Variants in BDP1 observed in about 807,000 individuals in gnomAD.
BDP1 encodes transcription factor TFIIIB component B'' homolog.
A neutral mutation model predicts 266.6 loss-of-function variants in BDP1; 169 were observed. The observed-to-expected ratio is 0.63, with a 90% CI of 0.56 to 0.72. The LOEUF is 0.72. BDP1 is among the 30% of genes least tolerant of loss of function. BDP1 has a pLI of 0.00. For synonymous variants in BDP1, 1,090 were observed against 1,022.4 expected (o/e 1.07, Z -1.26); for missense variants, 3,015 against 3,053.8 (o/e 0.99, Z 0.30).
intron 34 of BDP1, among the ~76,000 whole-genome samples, chr5:71,551,091 T>C (rs916446387): frequency 8.9e-6 from 1 of 112,408 alleles, no homozygotes; most frequent in African/African-American, 3.1e-5. Context: ...TTATTATTTT[T>C]TAGTTGTTTA....
At chr5:71,513,063 C>CAAAAAAAA (rs34252624) in intron 18 of BDP1, 122 bp from the exon 19 acceptor site, 3 of 416,754 alleles carry the variant, frequency 7.2e-6, no homozygotes, top group Non-Finnish European at 1.2e-5. Context: ...ACCCTGTCTC[C>CAAAAAAAA]AAAAAAAAAA....
Position 71,458,778 on chromosome 5 carries a change from C to T in BDP1, c.412C>T (p.Pro138Ser). Reference sequence around the variant, plus strand: ...TGCCACTTCAACAAAAGAGAAACAGCCATGCTCAGACAGATACCGAATATA... The same window carrying T: ...TGCCACTTCAACAAAAGAGAAACAGTCATGCTCAGACAGATACCGAATATA... ...PTATSTKEKQ[P>S]CSDRYRIYKA... Residue 138 changes from proline (P) to serine (S), a missense_variant, in exon 2 of 39, where the codon CCA becomes TCA. Transcript: ENST00000358731. 6.2e-7 allele frequency: 1 copy of T among 1,613,850 alleles called. No individual in the cohort carries two copies. Among genetic ancestry groups the T allele is most frequent in the South Asian group, 1.1e-5 (1 of 91,072 alleles).
chr5:71,469,929 C>T (rs2150363765), intron 6 of BDP1, among the ~76,000 whole-genome samples: 1 of 151,750 alleles, frequency 6.6e-6, no homozygotes, highest in South Asian at 2.1e-4. Context: ...GCAACCTCCG[C>T]TTCCCGGGTT....
chr5:71,460,870 C>T (rs1156814416), intron 2 of BDP1, among the ~76,000 whole-genome samples: 1 of 120,938 alleles, frequency 8.3e-6, no homozygotes, highest in African/African-American at 2.8e-5. Context: ...CAAGTCACTA[C>T]AGGGTAAAAA....
intron 13 of BDP1, among the ~76,000 whole-genome samples, chr5:71,500,870 C>T (rs1054719969): frequency 1.2e-4 from 18 of 151,638 alleles, no homozygotes; most frequent in Non-Finnish European, 1.8e-4. Flanking sequence ...GAGGCTGAGG[C>T]GGGCTAATCA....
chr5:71,540,903 A>G (rs1410976450), intron 28 of BDP1, among the ~76,000 whole-genome samples: 2 of 152,088 alleles, frequency 1.3e-5, no homozygotes, highest in African/African-American at 4.8e-5. Flanking sequence ...GCACCACTGC[A>G]CTCCAGCCTG....
intron 4 of BDP1, 111 bp from the exon 5 acceptor site, chr5:71,465,985 A>G (rs1761883472): frequency 8.7e-7 from 1 of 1,145,766 alleles, no homozygotes; most frequent in Admixed American, 2.5e-5. Flanking sequence ...GATTATAGGG[A>G]AAGTTGGAAA....
rs1765281502 is a variant in BDP1, at chr5:71,517,453, G to GT, written c.4991+2dup. ...TTAACAAAACAAATGAAACAATCAG[G>GT]TGAGTTTGCTTTTAATGAGAAAAAA... On this transcript the variant is annotated splice_donor_variant, in intron 22 of 38. Transcript: ENST00000358731. LOFTEE classifies it high-confidence loss of function. 1 of 1,560,602 alleles carries GT rather than the reference G, an allele frequency of 6.4e-7. No individual in the cohort carries two copies. The highest frequency in any genetic ancestry group is 1.4e-5 in the African/African-American group (1 of 71,632).
intron 32 of BDP1, among the ~76,000 whole-genome samples, chr5:71,546,008 C>T (rs1292369174): frequency 6.6e-6 from 1 of 151,746 alleles, no homozygotes; most frequent in Non-Finnish European, 1.5e-5. Flanking sequence ...AAGAACAAAC[C>T]AGTATGAAAC....
intron 16 of BDP1, among the ~76,000 whole-genome samples, chr5:71,505,287 G>A (rs184239160): frequency 4.9e-4 from 74 of 152,214 alleles, no homozygotes; most frequent in African/African-American, 1.7e-3. Flanking sequence ...GATTACAGGT[G>A]TGAGCCATCA....
At position 71,517,450 on chromosome 5, in the gene BDP1, C is replaced by T. The variant is rs1765281285; in HGVS notation, c.4989C>T (p.Ile1663=). ...ATGTTAACAAAACAAATGAAACAAT[C>T]AGGTGAGTTTGCTTTTAATGAGAAA... ...NLHVNKTNET[I]RHENKPYVPS... Residue 1663 remains isoleucine (I), a splice_region_variant and synonymous_variant, in exon 22 of 39, where the codon ATC becomes ATT. Coordinates refer to ENST00000358731, the MANE Select transcript of BDP1 (RefSeq NM_018429.3). 1 of 1,570,362 alleles carries T rather than the reference C, an allele frequency of 6.4e-7. No homozygotes were observed. The highest frequency in any genetic ancestry group is 1.2e-5 in the South Asian group (1 of 81,686).
At chr5:71,535,594 T>C (rs1766546492) in intron 26 of BDP1, among the ~76,000 whole-genome samples, 1 of 152,170 alleles carries the variant, frequency 6.6e-6, no homozygotes, top group African/African-American at 2.4e-5. Flanking sequence ...CTTATGGAGA[T>C]GAGAAAAACA....
chr5:71,516,386 A>C, intron 21 of BDP1, 115 bp downstream of exon 21: 1 of 736,166 alleles, frequency 1.4e-6, no homozygotes, highest in East Asian at 2.8e-5. Flanking sequence ...CTCAATGAAT[A>C]CAGTTTCCAG....
At chr5:71,503,131 CTCACACCACCACGCCT>C (rs1254925732) in intron 15 of BDP1, among the ~76,000 whole-genome samples, 1 of 151,508 alleles carries the variant, frequency 6.6e-6, no homozygotes, top group Admixed American at 6.6e-5. Flanking sequence ...CGACTGCAGG[CTCACACCACCACGCCT>C]GGCTAATTTT....
chr5:71,562,978 A>G, intron 38 of BDP1: 5 of 1,059,880 alleles, frequency 4.7e-6, no homozygotes, highest in Non-Finnish European at 6.1e-6. Context: ...CTTGACAAAG[A>G]GAAGGCTGGT....
intron 7 of BDP1, chr5:71,475,664 G>A (rs1762536091): frequency 6.6e-6 from 1 of 152,488 alleles, no homozygotes; most frequent in Admixed American, 6.5e-5. Flanking sequence ...TCAATGTGTA[G>A]TTTCAGCCTA....
chr5:71,573,214 C>T, the BDP1 span, among the ~76,000 whole-genome samples: 26 of 141,862 alleles, frequency 1.8e-4, no homozygotes, highest in Admixed American at 5.1e-4. Context: ...GGTGACAGAA[C>T]GAGACTCTGT....
At chr5:71,466,729 G>A (rs1306326338) in intron 5 of BDP1, among the ~76,000 whole-genome samples, 1 of 151,830 alleles carries the variant, frequency 6.6e-6, no homozygotes, top group Non-Finnish European at 1.5e-5. Flanking sequence ...TGGGCATTGT[G>A]GAATTTAGTT....
intron 31 of BDP1, 85 bp from the exon 32 acceptor site, chr5:71,544,954 A>T: frequency 1.7e-6 from 2 of 1,166,914 alleles, no homozygotes; most frequent in Non-Finnish European, 2.5e-6. Context: ...CCATTGAATT[A>T]GATGATCTTT....
Sources: allele counts gnomAD v4.1 joint callset (sites outside exome capture counted in the v4.1 genomes callset), GRCh38; gene constraint gnomAD v4.1.1; transcripts MANE v1.5; gene names NCBI Gene and HGNC (gene_info 2026-07-23, HGNC 2026-07-21).